Variants in PIBF1 observed in about 807,000 individuals in gnomAD.
PIBF1 encodes progesterone immunomodulatory binding factor 1, also known as progesterone-induced-blocking factor 1.
PIBF1 carries 90 observed loss-of-function variants against 112.5 expected under a neutral mutation model. That is an observed-to-expected ratio of 0.80 (90% CI 0.67 to 0.95). The LOEUF (loss-of-function observed/expected upper bound fraction) is 0.95, where lower values mean the gene tolerates loss of function less well. Among genes scored for constraint, PIBF1 ranks in the 40% least tolerant of loss-of-function variants. The pLI is 0.00. For synonymous variants in PIBF1, 301 were observed against 288.6 expected (o/e 1.04, Z -0.44); for missense variants, 915 against 852.3 (o/e 1.07, Z -0.92).
At chr13:72,845,847 C>G (rs537643422) in intron 9 of PIBF1, among the ~76,000 whole-genome samples, 34 of 152,164 alleles carry the variant, frequency 2.2e-4, no homozygotes, top group Non-Finnish European at 3.2e-4. Context: ...TTTGGCACCC[C>G]CATACTACTC....
At chr13:72,956,735 T>C (rs2138876087) in intron 14 of PIBF1, among the ~76,000 whole-genome samples, 1 of 152,306 alleles carries the variant, frequency 6.6e-6, no homozygotes, top group African/African-American at 2.4e-5. Flanking sequence ...TTTTCTCTGT[T>C]CTTACACCTC....
intron 17 of PIBF1, among the ~76,000 whole-genome samples, chr13:73,009,106 G>A (rs1033060702): frequency 6.6e-6 from 1 of 152,132 alleles, no homozygotes; most frequent in Non-Finnish European, 1.5e-5. Flanking sequence ...CAATATGGTT[G>A]CTCTGGCCTC....
At chr13:72,905,911 G>A (rs1291294867) in intron 11 of PIBF1, among the ~76,000 whole-genome samples, 1 of 152,142 alleles carries the variant, frequency 6.6e-6, no homozygotes, top group African/African-American at 2.4e-5. Context: ...TTAACGTTGT[G>A]TGCCCCTATT....
intron 14 of PIBF1, among the ~76,000 whole-genome samples, chr13:72,933,932 T>C (rs1483215964): frequency 6.6e-6 from 1 of 152,184 alleles, no homozygotes; most frequent in Non-Finnish European, 1.5e-5. Flanking sequence ...AATCACAAAA[T>C]GTTAATAATG....
intron 12 of PIBF1, among the ~76,000 whole-genome samples, chr13:72,914,064 A>G (rs1485835644): frequency 6.6e-6 from 1 of 152,180 alleles, no homozygotes; most frequent in Non-Finnish European, 1.5e-5. Context: ...TACATTGTGT[A>G]CAATTTTCAA....
intron 10 of PIBF1, among the ~76,000 whole-genome samples, chr13:72,862,371 A>C (rs866661454): frequency 6.6e-6 from 1 of 152,232 alleles, no homozygotes; most frequent in Non-Finnish European, 1.5e-5. Context: ...TGGGAGGCTG[A>C]GGCAAGAGAA....
intron 10 of PIBF1, among the ~76,000 whole-genome samples, chr13:72,856,053 C>T (rs149933502): frequency 8.5e-4 from 129 of 152,254 alleles, no homozygotes; most frequent in African/African-American, 3.0e-3. Flanking sequence ...TCGTAAGCTA[C>T]ACTCTTAACC....
At chr13:72,940,825 C>G (rs2041991009) in intron 14 of PIBF1, among the ~76,000 whole-genome samples, 1 of 152,170 alleles carries the variant, frequency 6.6e-6, no homozygotes, top group Non-Finnish European at 1.5e-5. Context: ...AAGCACTATG[C>G]CTTGCCCATG....
At position 72,952,650 on chromosome 13, in the gene PIBF1, GT is replaced by G. The variant is rs919297933; in HGVS notation, c.1834-12615del. 4.4e-4 allele frequency among the ~76,000 whole-genome samples: 58 copies of G among 131,478 alleles called. 1 individual carries two copies. The South Asian group carries it at 0.014, about 33-fold the overall frequency. The allele number at this position is 131,478 out of a possible 152,430, so 86.3% of individuals were successfully genotyped here. A position where few individuals can be genotyped will look rare whatever the true frequency, so the allele number is the denominator to read the frequency against. ...TTCAACTGAGTTTTTTTTTTTTTTA[GT>G]TTTTTTTTACTCGTTGGGGATGTGA... On this transcript the variant is annotated intron_variant, in intron 14 of 17. Coordinates refer to ENST00000326291, the MANE Select transcript of PIBF1 (RefSeq NM_006346.4).
chr13:72,785,979 T>C (rs550953466), intron 2 of PIBF1, among the ~76,000 whole-genome samples: 2 of 152,354 alleles, frequency 1.3e-5, no homozygotes, highest in African/African-American at 4.8e-5. Context: ...ATTACAGTTC[T>C]AGATGCACAC....
intron 3 of PIBF1, among the ~76,000 whole-genome samples, chr13:72,794,001 C>A (rs1233495298): frequency 6.6e-6 from 1 of 152,038 alleles, no homozygotes; most frequent in Non-Finnish European, 1.5e-5. Flanking sequence ...ATGAATTCCC[C>A]AAGGAGTGCG....
intron 1 of PIBF1, among the ~76,000 whole-genome samples, chr13:72,782,748 A>G (rs544840747): frequency 2.6e-5 from 4 of 152,108 alleles, no homozygotes; most frequent in Non-Finnish European, 5.9e-5. Flanking sequence ...TCATTCTGCT[A>G]TCTATAAAAA....
At chr13:72,919,179 C>T (rs971957540) in intron 13 of PIBF1, among the ~76,000 whole-genome samples, 2 of 150,688 alleles carry the variant, frequency 1.3e-5, no homozygotes, top group Non-Finnish European at 2.9e-5. Flanking sequence ...GAAAATAGAA[C>T]ATCTATATGG....
intron 15 of PIBF1, among the ~76,000 whole-genome samples, chr13:72,969,274 A>C (rs1449190484): frequency 6.6e-6 from 1 of 152,144 alleles, no homozygotes; most frequent in African/African-American, 2.4e-5. Flanking sequence ...GTTGAATTTC[A>C]ACAAAAATTA....
At chr13:72,828,032 A>G (rs1418838585) in intron 8 of PIBF1, 118 bp downstream of exon 8, 1 of 410,078 alleles carries the variant, frequency 2.4e-6, no homozygotes, top group Non-Finnish European at 4.1e-6. Context: ...ATATGATAAT[A>G]CTAAGATAAT....
At chr13:72,867,705 C>A (rs2138408267) in intron 10 of PIBF1, among the ~76,000 whole-genome samples, 1 of 152,188 alleles carries the variant, frequency 6.6e-6, no homozygotes, top group South Asian at 2.1e-4. Context: ...TAAAGAAGAT[C>A]CATGTGTTTT....
intron 5 of PIBF1, among the ~76,000 whole-genome samples, chr13:72,816,152 A>G (rs139116491): frequency 2.0e-5 from 3 of 152,350 alleles, no homozygotes; most frequent in Non-Finnish European, 2.9e-5. Flanking sequence ...TACTAGTAAT[A>G]GAGTGTTATA....
At chr13:72,936,430 G>C (rs1248695085) in intron 14 of PIBF1, among the ~76,000 whole-genome samples, 1 of 152,038 alleles carries the variant, frequency 6.6e-6, no homozygotes, top group Non-Finnish European at 1.5e-5. Flanking sequence ...AAATATCTTT[G>C]CCTAACCTAG....
At chr13:72,928,793 T>C (rs1426435924) in intron 13 of PIBF1, among the ~76,000 whole-genome samples, 1 of 152,190 alleles carries the variant, frequency 6.6e-6, no homozygotes, top group African/African-American at 2.4e-5. Context: ...TGGTAAGCGG[T>C]ATCACCCTAT....
Sources: gnomAD v4.1 joint callset for allele counts (sites outside exome capture counted in the v4.1 genomes callset) on GRCh38, gnomAD v4.1.1 for gene constraint, MANE v1.5 for transcripts, NCBI Gene and HGNC (gene_info 2026-07-23, HGNC 2026-07-21) for gene names.